CENPE: variants seen among roughly 807,000 people sequenced by gnomAD.
The protein encoded by CENPE is centromere-associated protein E.
A neutral mutation model predicts 336.1 loss-of-function variants in CENPE; 145 were observed. The observed-to-expected ratio is 0.43, with a 90% CI of 0.38 to 0.50. The LOEUF (loss-of-function observed/expected upper bound fraction) is 0.50. Among genes scored for constraint, CENPE ranks in the 20% least tolerant of loss-of-function variants. The pLI, the probability that CENPE is intolerant of heterozygous loss-of-function variation, is 0.00. For missense variants in CENPE, 2,719 were observed against 3,023.3 expected, an observed-to-expected ratio of 0.90 and a Z score of 2.36; for synonymous variants, 1,013 against 984.8, an observed-to-expected ratio of 1.03 and a Z score of -0.54.
Position 103,133,714 on chromosome 4 carries a change from T to C in CENPE, c.6701A>G (p.Asn2234Ser). Reference sequence around the variant, plus strand: ...TTATACCTCAATATGTAGATCCATATTCTGGTTCAATTTGAGATCCCTTAA... The same window carrying C: ...TTATACCTCAATATGTAGATCCATACTCTGGTTCAATTTGAGATCCCTTAA... ...RELRDLKLNQ[N>S]MDLHIEEILK... is the part of the protein sequence containing the mutation. The change falls in exon 41 of 49, where the codon AAT becomes AGT. Residue 2234 changes from asparagine (N) to serine (S), a missense_variant. Asn to Ser is a conservative substitution (Grantham distance 46). Transcript: ENST00000265148. 2.5e-6 allele frequency: 4 copies of C among 1,601,594 alleles called. No homozygotes were observed. In the South Asian group the frequency reaches 3.4e-5, roughly 13 times the overall value.
chr4:103,170,482 T>C (rs1755311082), intron 16 of CENPE, among the ~76,000 whole-genome samples: 1 of 152,164 alleles, frequency 6.6e-6, no homozygotes, highest in African/African-American at 2.4e-5. Flanking sequence ...TAAAATAACC[T>C]GCATAACTGT....
At chr4:103,157,532 A>G (rs571476570) in intron 24 of CENPE, among the ~76,000 whole-genome samples, 200 of 152,168 alleles carry the variant, frequency 1.3e-3, no homozygotes, top group African/African-American at 4.7e-3. Context: ...CAGAGTAGTC[A>G]AATTCATAAA....
rs576457577 is a variant in CENPE, at chr4:103,158,591, A to G, written c.2874+23T>C. The G allele has an allele frequency of 1.6e-5, 25 of 1,564,314 alleles. No homozygotes were observed. The East Asian group carries it at 3.8e-4, about 24-fold the overall frequency. ...TTTTTAAGAGTCTCCAATTTTTCAA[A>G]GTTTAATCAATCAAAACCTTACCAT... On this transcript the variant is annotated intron_variant, in intron 23 of 48. Transcript: ENST00000265148.
chr4:103,185,878 A>G lies in CENPE; in HGVS notation c.694-17T>C. ...AACCAAATTCTGTAAGATAGATAAA[A>G]ATAAATCCTTAGGGCAGATAATTTG... On this transcript the variant is annotated splice_polypyrimidine_tract_variant and intron_variant, in intron 8 of 48. Coordinates refer to ENST00000265148, the MANE Select transcript of CENPE (RefSeq NM_001813.3). The G allele has an allele frequency of 6.3e-7, 1 of 1,580,748 alleles. No individual in the cohort carries two copies. Among genetic ancestry groups the G allele is most frequent in the East Asian group, 2.2e-5 (1 of 44,578 alleles).
rs1186639426 is a variant in CENPE at position 103,144,635 on chromosome 4, G to C, written c.4858-17C>G. On this transcript the variant is annotated splice_polypyrimidine_tract_variant and intron_variant, in intron 32 of 48. Coordinates refer to ENST00000265148, the MANE Select transcript of CENPE (RefSeq NM_001813.3). ...TTCTTTCATCTGAGAAAATTATAAA[G>C]TAAGTTACAACATAGGCAGAATTTT... 1 of 1,572,450 alleles carries C rather than the reference G, an allele frequency of 6.4e-7. No individual in the cohort carries two copies. The highest frequency in any genetic ancestry group is 8.6e-7 in the Non-Finnish European group (1 of 1,156,888).
intron 8 of CENPE, among the ~76,000 whole-genome samples, chr4:103,193,340 TTTATAGCAAAATAGCTAAGGTGAAA>T (rs1219219165): frequency 1.3e-5 from 2 of 152,158 alleles, no homozygotes; most frequent in African/African-American, 4.8e-5. Context: ...GTTATACAAT[TTTATAGCAAAATAGCTAAGGTGAAA>T]TTAGGATTGA....
intron 46 of CENPE, among the ~76,000 whole-genome samples, chr4:103,113,306 G>T (rs1410199833): frequency 7.1e-6 from 1 of 141,494 alleles, no homozygotes; most frequent in African/African-American, 2.6e-5. Flanking sequence ...CAGCAGTTCT[G>T]TTTATTCTCC....
At position 103,110,914 on chromosome 4, in the gene CENPE, T is replaced by G; in HGVS notation, c.7638A>C (p.Lys2546Asn). ...IVQNTKALIL[K>N]SEHIRLEKEI... ...CTTTTTCTAGCCTTATATGTTCACT[T>G]TTCAAAATAAGAGCTTTTGTGTTTT... The change falls in exon 47 of 49, where the codon AAA (lysine) becomes AAC (asparagine). Residue 2546 changes from lysine (K) to asparagine (N), a missense_variant. By Grantham distance (94) the Lys-to-Asn change is moderately conservative (BLOSUM62 0). Coordinates refer to ENST00000265148, the MANE Select transcript of CENPE (RefSeq NM_001813.3). 6.2e-7 allele frequency: 1 copy of G among 1,612,618 alleles called. No homozygotes were observed. The highest frequency in any genetic ancestry group is 1.1e-5 in the South Asian group (1 of 90,740).
At chr4:103,154,445 G>A (rs1753807562) in intron 24 of CENPE, among the ~76,000 whole-genome samples, 1 of 152,088 alleles carries the variant, frequency 6.6e-6, no homozygotes, top group Non-Finnish European at 1.5e-5. Context: ...ATTCTCTAGA[G>A]TAGATATAAA....
chr4:103,114,310 G>T (rs1187261009), intron 46 of CENPE, 145 bp downstream of exon 46: 1 of 562,162 alleles, frequency 1.8e-6, no homozygotes, highest in East Asian at 2.9e-5. Context: ...TGGAAATATG[G>T]TTCCAATAAA....
At chr4:103,153,621 C>T (rs747053147) in intron 24 of CENPE, among the ~76,000 whole-genome samples, 28 of 152,144 alleles carry the variant, frequency 1.8e-4, no homozygotes, top group African/African-American at 2.7e-4. Context: ...TGCATGTTTA[C>T]TTATTTCAAT....
intron 13 of CENPE, among the ~76,000 whole-genome samples, chr4:103,177,662 C>T (rs992656239): frequency 2.6e-5 from 4 of 151,920 alleles, no homozygotes; most frequent in African/African-American, 9.7e-5. Flanking sequence ...GGTGGCTGAG[C>T]CCATTGTCTA....
At position 103,145,837 on chromosome 4, in the gene CENPE, C is replaced by T; in HGVS notation, c.4405G>A (p.Val1469Ile). Residue 1469 changes from valine to isoleucine, a missense_variant, in exon 30 of 49, where the codon GTA (valine) becomes ATA (isoleucine). By Grantham distance (29) the Val-to-Ile change is conservative. Around this residue, in one of 5 missense-constraint regions of CENPE, gnomAD observed 2,437 missense variants for 2,513.3 expected, o/e 0.97. Transcript: ENST00000265148. ...DQLKENIKEI[V>I]AKHLETEEEL... ...TGAAAGATGAAACCTACTTTAGCTA[C>T]AATTTCTTTTATGTTTTCTTTGAGC... The T allele has an allele frequency of 1.3e-6, 2 of 1,590,180 alleles. No homozygotes were observed. The highest frequency in any genetic ancestry group is 1.7e-6 in the Non-Finnish European group (2 of 1,172,392).
Position 103,161,327 on chromosome 4 carries a change from A to G in CENPE, c.1965+8T>C, listed in dbSNP as rs779169856. The G allele has an allele frequency of 3.1e-6, 5 of 1,607,864 alleles. No individual in the cohort carries two copies. The highest frequency in any genetic ancestry group is 2.7e-5 in the African/African-American group (2 of 74,570). ...TACTTTATTATAAATATTACAAAAA[A>G]TACTTACCATTTTCTCCTTCAGCTC... On this transcript the variant is annotated splice_region_variant and intron_variant, in intron 19 of 48. Transcript: ENST00000265148.
rs1172735290 is a variant in CENPE, at chr4:103,182,904, T to A, written c.834-13A>T. On this transcript the variant is annotated splice_polypyrimidine_tract_variant and intron_variant, in intron 10 of 48. Coordinates refer to ENST00000265148, the MANE Select transcript of CENPE (RefSeq NM_001813.3). The stretch of plus-strand genomic sequence containing the variant: ...ATTTATGAAACCACTTAGCAAGGAA[T>A]AAGTTTACAGGAGAAAAAGATTGAG... 3 of 1,609,360 alleles carry A rather than the reference T, an allele frequency of 1.9e-6. No homozygotes were observed. The highest frequency in any genetic ancestry group is 2.2e-5 in the East Asian group (1 of 44,748).
chr4:103,135,776 T>C (rs544996463), intron 40 of CENPE, among the ~76,000 whole-genome samples: 2 of 152,368 alleles, frequency 1.3e-5, no homozygotes, highest in South Asian at 2.1e-4. Context: ...CCAAGCTTTG[T>C]TATTGAGTCT....
intron 38 of CENPE, among the ~76,000 whole-genome samples, chr4:103,138,976 C>G (rs548588435): frequency 6.6e-6 from 1 of 152,312 alleles, no homozygotes; most frequent in East Asian, 1.9e-4. Flanking sequence ...TCCTAATGCA[C>G]TTTATTGGCG....
intron 36 of CENPE, 63 bp from the exon 37 acceptor site, chr4:103,140,477 A>AT (rs1560618810): frequency 8.7e-7 from 1 of 1,150,370 alleles, no homozygotes; most frequent in African/African-American, 1.6e-5. Context: ...TTACTTAATG[A>AT]TTGAGTTTAA....
At chr4:103,140,528 C>G in intron 36 of CENPE, 114 bp from the exon 37 acceptor site, 1 of 801,888 alleles carries the variant, frequency 1.2e-6, no homozygotes, top group South Asian at 2.2e-5. Context: ...TAAAAACAAC[C>G]ATTATACAAC....
Sources: allele counts gnomAD v4.1 joint callset (sites outside exome capture counted in the v4.1 genomes callset), GRCh38; gene constraint gnomAD v4.1.1; regional missense constraint gnomAD v4.1.1; transcripts MANE v1.5; gene names NCBI Gene and HGNC (gene_info 2026-07-23, HGNC 2026-07-21).